PDCL2: variants seen among roughly 807,000 people sequenced by gnomAD.
PDCL2 encodes the protein phosducin like 2, also known as phosducin-like protein 2.
In PDCL2, 23 loss-of-function variants were observed where a neutral mutation model predicts 30.3. The observed-to-expected ratio is 0.76, with a 90% CI of 0.55 to 1.08. PDCL2 has a LOEUF of 1.08. Among genes scored for constraint, PDCL2 ranks in the 50% least tolerant of loss-of-function variants. The pLI is 0.00. For synonymous variants in PDCL2, 68 were observed against 86.2 expected, an observed-to-expected ratio of 0.79 and a Z score of 1.17; for missense variants, 243 against 282.3, an observed-to-expected ratio of 0.86 and a Z score of 1.00.
At chr4:55,589,692 C>G (rs1015477302) in intron 1 of PDCL2, among the ~76,000 whole-genome samples, 3 of 152,126 alleles carry the variant, frequency 2.0e-5, no homozygotes, top group Non-Finnish European at 4.4e-5. Flanking sequence ...GGGACAGACT[C>G]CTGTAATAAA....
chr4:55,571,569 C>T (rs1732424509), intron 3 of PDCL2, among the ~76,000 whole-genome samples: 1 of 76,796 alleles, frequency 1.3e-5, no homozygotes, highest in South Asian at 3.5e-4. Context: ...CGCCTGTGGT[C>T]CCAGCTACTC....
At chr4:55,574,589 T>C (rs1732513400) in intron 3 of PDCL2, among the ~76,000 whole-genome samples, 1 of 152,184 alleles carries the variant, frequency 6.6e-6, no homozygotes, top group Admixed American at 6.5e-5. Context: ...CATCAAAGAA[T>C]TGTGCAACCA....
chr4:55,565,986 T>G (rs866353664), intron 4 of PDCL2, among the ~76,000 whole-genome samples: 1 of 135,340 alleles, frequency 7.4e-6, no homozygotes, highest in Admixed American at 7.3e-5. Flanking sequence ...TTTTTTTTTT[T>G]TTTTTTTTTT....
At chr4:55,578,225 G>A (rs958077250) in intron 3 of PDCL2, among the ~76,000 whole-genome samples, 2 of 152,186 alleles carry the variant, frequency 1.3e-5, no homozygotes, top group African/African-American at 4.8e-5. Flanking sequence ...GTGAGCCTCT[G>A]TCCCTGTACA....
At chr4:55,559,264 A>G (rs1249064957) in intron 5 of PDCL2, among the ~76,000 whole-genome samples, 3 of 152,208 alleles carry the variant, frequency 2.0e-5, no homozygotes, top group Non-Finnish European at 2.9e-5. Context: ...AATTCTCCAT[A>G]TATCCTTGAG....
chr4:55,580,742 G>T, intron 3 of PDCL2, 79 bp downstream of exon 3: 2 of 1,035,070 alleles, frequency 1.9e-6, no homozygotes, highest in South Asian at 2.3e-5. Context: ...AAATCTATGT[G>T]ACAAGACAAA....
rs1221085369 is a variant in PDCL2, at chr4:55,590,196, C to CAAAAAAAA, written c.6+1900_6+1907dup. On this transcript the variant is annotated intron_variant, in intron 1 of 5. Coordinates refer to ENST00000295645, the MANE Select transcript of PDCL2 (RefSeq NM_152401.3). The stretch of plus-strand genomic sequence containing the variant: ...TGGATGACAGAGCTAGGCTCTGTCT[C>CAAAAAAAA]AAAAAAAAAAAAAAAAAAAAAAAAA... 8.1e-5 allele frequency among the ~76,000 whole-genome samples: 3 copies of CAAAAAAAA among 37,092 alleles called. 1 individual carries two copies. Among genetic ancestry groups the CAAAAAAAA allele is most frequent in the Non-Finnish European group, 8.4e-5 (2 of 23,734 alleles). 24.3% of individuals were successfully genotyped at this position (37,092 alleles called of 152,430 possible).
intron 5 of PDCL2, among the ~76,000 whole-genome samples, chr4:55,559,235 G>T (rs564586269): frequency 6.6e-6 from 1 of 152,280 alleles, no homozygotes; most frequent in East Asian, 1.9e-4. Context: ...TTGAAAATGT[G>T]TATACCTTAT....
At chr4:55,590,172 G>A (rs1732962301) in intron 1 of PDCL2, among the ~76,000 whole-genome samples, 1 of 117,120 alleles carries the variant, frequency 8.5e-6, no homozygotes, top group Non-Finnish European at 1.6e-5. Context: ...ACTCCAGCCT[G>A]GATGACAGAG....
At chr4:55,576,268 T>C (rs1732565564) in intron 3 of PDCL2, among the ~76,000 whole-genome samples, 1 of 152,146 alleles carries the variant, frequency 6.6e-6, no homozygotes, top group Non-Finnish European at 1.5e-5. Context: ...ATTTTTTGTA[T>C]TTTTATTAGA....
chr4:55,586,584 A>G (rs1732869068), intron 1 of PDCL2, among the ~76,000 whole-genome samples: 1 of 152,196 alleles, frequency 6.6e-6, no homozygotes, highest in African/African-American at 2.4e-5. Flanking sequence ...CCATCAATGG[A>G]CATTTGGGTA....
Position 55,569,724 on chromosome 4 carries a change from C to A in PDCL2, c.356G>T (p.Arg119Ile). 6.5e-7 allele frequency: 1 copy of A among 1,533,542 alleles called. No individual in the cohort carries two copies. Among genetic ancestry groups the A allele is most frequent in the East Asian group, 2.4e-5 (1 of 42,528 alleles). The allele number at this position is 1,533,542 out of a possible 1,614,324, so 95.0% of individuals were successfully genotyped here. Residue 119 changes from arginine (R) to isoleucine (I), a missense_variant, in exon 4 of 6, where the codon AGA (arginine) becomes ATA (isoleucine). Transcript: ENST00000295645. ...GAAATATTATGGTAATTACCTTGAT[C>A]TGTATAGATGAATTATAACCCACAC... Reference protein sequence around the residue: ...EDVWVIIHLYRSSIPMCLLVN... With the variant: ...EDVWVIIHLYISSIPMCLLVN...
chr4:55,578,111 A>G (rs1732618295), intron 3 of PDCL2, among the ~76,000 whole-genome samples: 1 of 152,088 alleles, frequency 6.6e-6, no homozygotes. Context: ...CTGGCTTTCT[A>G]TATTTTCCCA....
chr4:55,567,418 C>T (rs1335123700), intron 4 of PDCL2, among the ~76,000 whole-genome samples: 1 of 151,980 alleles, frequency 6.6e-6, no homozygotes, highest in Non-Finnish European at 1.5e-5. Context: ...ACCTGTAGTC[C>T]AAGCTACTTG....
chr4:55,556,818 GATAT>G lies in PDCL2; in HGVS notation c.572-111_572-108del, dbSNP rs1229222449. The G allele has an allele frequency of 4.3e-6, 4 of 928,650 alleles. No homozygotes were observed. In the African/African-American group the frequency reaches 5.2e-5, roughly 12 times the overall value. 57.5% of individuals were successfully genotyped at this position (928,650 alleles called of 1,614,324 possible). A position where few individuals can be genotyped will look rare whatever the true frequency, so the allele number is the denominator to read the frequency against. ...TTAGTAATATTACCATGGAAATGAT[GATAT>G]ATTTATTTATAGGTTTTTTTTTCTT... On this transcript the variant is annotated intron_variant, in intron 5 of 5. Coordinates refer to ENST00000295645, the MANE Select transcript of PDCL2 (RefSeq NM_152401.3).
chr4:55,591,611 T>A (rs1733003053), intron 1 of PDCL2, among the ~76,000 whole-genome samples: 1 of 152,182 alleles, frequency 6.6e-6, no homozygotes, highest in African/African-American at 2.4e-5. Context: ...GGTCTCAATC[T>A]CTTGACCTGT....
At chr4:55,582,861 G>GT (rs754961384) in intron 1 of PDCL2, among the ~76,000 whole-genome samples, 28 of 151,744 alleles carry the variant, frequency 1.8e-4, no homozygotes, top group East Asian at 9.7e-4. Context: ...GTGGTGTTTG[G>GT]TTTTTTGTCC....
In PDCL2 at chr4:55,556,675, TG is replaced by T; in HGVS notation, c.607del (p.Gln203ArgfsTer13). ...TCTGGGGTTTTCTTCCAAATCAGTC[TG>T]TATTGCTCCAACTTCTGCTAGCTTC... The part of the protein sequence containing the change: ...EWKLAEVGAI[Q>X]TDLEENPRKD... On this transcript the variant is annotated frameshift_variant, in exon 6 of 6. Transcript: ENST00000295645. LOFTEE classifies it high-confidence loss of function. 6.4e-7 allele frequency: 1 copy of T among 1,565,632 alleles called. No individual in the cohort carries two copies. Among genetic ancestry groups the T allele is most frequent in the Non-Finnish European group, 8.7e-7 (1 of 1,154,116 alleles).
intron 5 of PDCL2, among the ~76,000 whole-genome samples, chr4:55,560,877 T>C (rs1307501145): frequency 6.6e-6 from 1 of 152,112 alleles, no homozygotes; most frequent in African/African-American, 2.4e-5. Flanking sequence ...TCACCATCTA[T>C]GAAGAACAGG....
Sources: allele counts gnomAD v4.1 joint callset (sites outside exome capture counted in the v4.1 genomes callset), GRCh38; gene constraint gnomAD v4.1.1; transcripts MANE v1.5; gene names NCBI Gene and HGNC (gene_info 2026-07-23, HGNC 2026-07-21).